WWOX: variants seen among roughly 807,000 people sequenced by gnomAD.
The protein encoded by WWOX is WW domain containing oxidoreductase.
A neutral mutation model predicts 46.2 loss-of-function variants in WWOX; 69 were observed. The observed-to-expected ratio is 1.49, with a 90% confidence interval of 1.23 to 1.82. The LOEUF (loss-of-function observed/expected upper bound fraction) is 1.82. Among genes scored for constraint, WWOX ranks in the 40% most tolerant of loss-of-function variants. The pLI is 0.00. For synonymous variants in WWOX, 359 were observed against 202.6 expected (o/e 1.77, Z -6.56); for missense variants, 919 against 542.6 (o/e 1.69, Z -6.89).
intron 5 of WWOX, among the ~76,000 whole-genome samples, chr16:78,329,395 G>C (rs1357696168): frequency 6.6e-6 from 1 of 152,176 alleles, no homozygotes; most frequent in Non-Finnish European, 1.5e-5. Flanking sequence ...CCTCCACCAC[G>C]AAGGTTCCAG....
chr16:78,379,351 G>T (rs1336310929), intron 5 of WWOX, among the ~76,000 whole-genome samples: 1 of 152,076 alleles, frequency 6.6e-6, no homozygotes, highest in Non-Finnish European at 1.5e-5. Flanking sequence ...CCTTCTCTCT[G>T]CAGTTGCACA....
chr16:78,432,612 G>A lies in WWOX; in HGVS notation c.916G>A (p.Glu306Lys), dbSNP rs1326472012. 3 of 1,614,140 alleles carry A rather than the reference G, an allele frequency of 1.9e-6. No individual in the cohort carries two copies. Among genetic ancestry groups the A allele is most frequent in the South Asian group, 1.1e-5 (1 of 91,078 alleles). The change falls in exon 8 of 9, where the codon GAG (glutamate) becomes AAG (lysine). Residue 306 changes from glutamate (E) to lysine (K), a missense_variant. Coordinates refer to ENST00000566780, the MANE Select transcript of WWOX (RefSeq NM_016373.4). ...GCTCTGCAACATCCTCTTCTCCAACGAGCTGCACCGTCGCCTCTCCCCACG... is the reference window on the plus strand; with the variant it reads ...GCTCTGCAACATCCTCTTCTCCAACAAGCTGCACCGTCGCCTCTCCCCACG... ...SKLCNILFSN[E>K]LHRRLSPRGV... is the part of the protein sequence containing the mutation.
chr16:78,398,790 T>C (rs1417023725), intron 6 of WWOX, among the ~76,000 whole-genome samples: 1 of 152,180 alleles, frequency 6.6e-6, no homozygotes. Flanking sequence ...CTAACACCAC[T>C]CTGGGTTGTT....
chr16:78,416,288 C>T (rs1052440865), intron 6 of WWOX, among the ~76,000 whole-genome samples: 1 of 152,168 alleles, frequency 6.6e-6, no homozygotes, highest in African/African-American at 2.4e-5. Context: ...GCGCAATGTG[C>T]CATTTGAATA....
intron 5 of WWOX, among the ~76,000 whole-genome samples, chr16:78,349,288 A>G (rs1449033909): frequency 1.7e-5 from 2 of 120,102 alleles, no homozygotes; most frequent in East Asian, 3.9e-4. Flanking sequence ...TTTTTTACAT[A>G]ATCACCTCTT....
chr16:78,841,692 G>T (rs549678968), intron 8 of WWOX, among the ~76,000 whole-genome samples: 1 of 152,090 alleles, frequency 6.6e-6, no homozygotes, highest in East Asian at 1.9e-4. Context: ...AACATTAGAC[G>T]ATTTCATTTT....
chr16:78,783,938 C>A (rs1478647511), intron 8 of WWOX, among the ~76,000 whole-genome samples: 1 of 151,064 alleles, frequency 6.6e-6, no homozygotes, highest in East Asian at 2.0e-4. Context: ...GATGGTGATG[C>A]TGGTGCTGTT....
At chr16:78,872,273 C>G (rs959445496) in intron 8 of WWOX, among the ~76,000 whole-genome samples, 3 of 152,120 alleles carry the variant, frequency 2.0e-5, no homozygotes, top group South Asian at 2.1e-4. Context: ...CTTAATTTCT[C>G]CAAGTCTCAG....
chr16:78,870,449 G>C (rs889028237), intron 8 of WWOX, among the ~76,000 whole-genome samples: 4 of 151,800 alleles, frequency 2.6e-5, no homozygotes, highest in Admixed American at 6.5e-5. Context: ...GGGATAACCG[G>C]AATTGATACA....
At chr16:79,169,135 T>C (rs537714853) in intron 8 of WWOX, among the ~76,000 whole-genome samples, 26 of 152,238 alleles carry the variant, frequency 1.7e-4, no homozygotes, top group African/African-American at 6.3e-4. Flanking sequence ...GTCAACAAAT[T>C]TGGCCCATGG....
At chr16:78,995,179 A>T (rs2046965385) in intron 8 of WWOX, among the ~76,000 whole-genome samples, 1 of 151,736 alleles carries the variant, frequency 6.6e-6, no homozygotes, top group Non-Finnish European at 1.5e-5. Flanking sequence ...GTATCTTCCA[A>T]GCTCAGCTTC....
chr16:78,556,499 C>T (rs543165353), intron 8 of WWOX, among the ~76,000 whole-genome samples: 3 of 152,046 alleles, frequency 2.0e-5, no homozygotes, highest in Non-Finnish European at 2.9e-5. Context: ...TCTTGAGTGC[C>T]ATCTTAACTA....
intron 5 of WWOX, among the ~76,000 whole-genome samples, chr16:78,262,128 G>C (rs1157470242): frequency 2.9e-5 from 4 of 137,470 alleles, no homozygotes; most frequent in African/African-American, 1.1e-4. Context: ...AAGAAGGAAA[G>C]AGGGAAATAT....
intron 5 of WWOX, among the ~76,000 whole-genome samples, chr16:78,316,419 C>A (rs1336339477): frequency 3.9e-5 from 6 of 152,094 alleles, no homozygotes; most frequent in Non-Finnish European, 7.3e-5. Flanking sequence ...TGGCTCACTG[C>A]AACCTCCGAC....
chr16:78,686,497 C>T (rs117196347), intron 8 of WWOX, among the ~76,000 whole-genome samples: 3,319 of 142,422 alleles, frequency 0.023, 55 homozygotes, highest in South Asian at 0.043. Context: ...GGGGACAGAG[C>T]GAGACTCCCT....
At chr16:78,884,278 A>G (rs74954079) in intron 8 of WWOX, among the ~76,000 whole-genome samples, 4 of 146,960 alleles carry the variant, frequency 2.7e-5, no homozygotes, top group Non-Finnish European at 6.0e-5. Flanking sequence ...GTCTCCAAAA[A>G]AAAAAAAAAA....
chr16:78,613,027 G>A (rs1352487182), intron 8 of WWOX, among the ~76,000 whole-genome samples: 12 of 152,052 alleles, frequency 7.9e-5, no homozygotes, highest in Non-Finnish European at 1.8e-4. Context: ...CAGTACTTCT[G>A]GGTTCCCCAA....
chr16:78,863,539 T>C (rs1354745323), intron 8 of WWOX, among the ~76,000 whole-genome samples: 1 of 152,174 alleles, frequency 6.6e-6, no homozygotes, highest in Non-Finnish European at 1.5e-5. Flanking sequence ...CCATCAGTAG[T>C]CCTCGTGATC....
At chr16:78,902,842 C>T (rs893724161) in intron 8 of WWOX, among the ~76,000 whole-genome samples, 1 of 152,172 alleles carries the variant, frequency 6.6e-6, no homozygotes, top group African/African-American at 2.4e-5. Context: ...TTTTGCCCCC[C>T]TCCAGTTTTA....
Sources: allele counts gnomAD v4.1 joint callset (sites outside exome capture counted in the v4.1 genomes callset), GRCh38; gene constraint gnomAD v4.1.1; transcripts MANE v1.5; gene names NCBI Gene and HGNC (gene_info 2026-07-23, HGNC 2026-07-21).